BANF2: variants seen among roughly 807,000 people sequenced by gnomAD.
BANF2 encodes barrier-to-autointegration factor-like protein.
BANF2 carries 4 observed loss-of-function variants against 8.0 expected under a neutral mutation model. The ratio of observed to expected loss-of-function variants is 0.50; its 90% CI spans 0.25 to 1.14. The LOEUF (loss-of-function observed/expected upper bound fraction) is 1.14. Ranked by LOEUF, BANF2 falls within the 50% of genes most tolerant of loss-of-function variation. The pLI is 0.16. For missense variants in BANF2, 96 were observed against 107.5 expected (o/e 0.89, Z 0.47); for synonymous variants, 50 against 40.6 (o/e 1.23, Z -0.88).
upstream of BANF2, among the ~76,000 whole-genome samples, chr20:17,698,772 C>T (rs752834498): frequency 6.6e-6 from 1 of 152,200 alleles, no homozygotes; most frequent in Non-Finnish European, 1.5e-5. Flanking sequence ...TGTGCTTCCC[C>T]AAAACGTGGC....
chr20:17,698,600 C>A (rs1278378556), upstream of BANF2, among the ~76,000 whole-genome samples: 1 of 152,222 alleles, frequency 6.6e-6, no homozygotes, highest in African/African-American at 2.4e-5. Context: ...TGAGGACATT[C>A]TGCAACTTGC....
At chr20:17,709,852 C>T (rs1350163007) in intron 1 of BANF2, among the ~76,000 whole-genome samples, 1 of 152,160 alleles carries the variant, frequency 6.6e-6, no homozygotes, top group Non-Finnish European at 1.5e-5. Context: ...AGCACGGTGC[C>T]TTGGTAAGCC....
intron 1 of BANF2, among the ~76,000 whole-genome samples, chr20:17,704,130 G>A (rs2039051017): frequency 6.6e-6 from 1 of 152,224 alleles, no homozygotes; most frequent in Non-Finnish European, 1.5e-5. Context: ...TAAGCCATAG[G>A]GCGAGAGCCC....
rs1491179991 is a variant in BANF2 at position 17,708,046 on chromosome 20, C to CAAAAAAA, written c.-167+8006_-167+8012dup. On this transcript the variant is annotated intron_variant, in intron 1 of 3. Coordinates refer to ENST00000246090, the MANE Select transcript of BANF2 (RefSeq NM_178477.5). ...GTGAAACCCTGTCTCTACTAAAAATCAAAAAAAAAAAAAAAAAAAAACCAA... is the reference window on the plus strand; with the variant it reads ...GTGAAACCCTGTCTCTACTAAAAATCAAAAAAAAAAAAAAAAAAAAAAAAAAAACCAA... 8.1e-5 allele frequency among the ~76,000 whole-genome samples: 9 copies of CAAAAAAA among 111,774 alleles called. 1 individual carries two copies. The highest frequency in any genetic ancestry group is 9.2e-5 in the Admixed American group (1 of 10,844). The allele number at this position is 111,774 out of a possible 152,430, so 73.3% of individuals were successfully genotyped here.
chr20:17,729,194 G>T (rs1446858709), intron 3 of BANF2, among the ~76,000 whole-genome samples: 2 of 152,144 alleles, frequency 1.3e-5, no homozygotes, highest in African/African-American at 2.4e-5. Flanking sequence ...GCTGTGCCTG[G>T]CTCTAGCTCT....
upstream of BANF2, chr20:17,699,818 G>A (rs141359066): frequency 1.5e-3 from 263 of 171,654 alleles, 4 homozygotes; most frequent in African/African-American, 6.0e-3. Context: ...GATTTCTTCT[G>A]GAGAGGCCTG....
upstream of BANF2, among the ~76,000 whole-genome samples, chr20:17,699,573 C>A (rs1174586827): frequency 6.6e-6 from 1 of 152,202 alleles, no homozygotes; most frequent in Non-Finnish European, 1.5e-5. Context: ...AAGTCCATCA[C>A]AGAAGATGTG....
At chr20:17,693,715 G>A in intron 1 of BANF2, 1 of 1,551,568 alleles carries the variant, frequency 6.4e-7, no homozygotes. Context: ...AGGTAAGGCA[G>A]ATTGGTCTGA....
intron 3 of BANF2, among the ~76,000 whole-genome samples, chr20:17,728,584 G>A (rs1191744846): frequency 6.6e-6 from 1 of 152,110 alleles, no homozygotes; most frequent in Non-Finnish European, 1.5e-5. Flanking sequence ...GGTGCTGGGA[G>A]GGGACTGTTC....
chr20:17,704,940 T>G (rs1001623578), intron 1 of BANF2, among the ~76,000 whole-genome samples: 2 of 152,214 alleles, frequency 1.3e-5, no homozygotes, highest in African/African-American at 4.8e-5. Context: ...GCACCACTTC[T>G]TGCCTAATCT....
chr20:17,731,482 C>G (rs6044971), intron 3 of BANF2: 46,665 of 151,918 alleles, frequency 0.31, 7,400 homozygotes, highest in East Asian at 0.47. Flanking sequence ...GACAGCTTAT[C>G]TCTGCTTGAC....
At chr20:17,729,266 C>T (rs1212661077) in intron 3 of BANF2, among the ~76,000 whole-genome samples, 2 of 152,172 alleles carry the variant, frequency 1.3e-5, no homozygotes, top group Non-Finnish European at 1.5e-5. Context: ...AGACTATCCT[C>T]GAACCACCCT....
At chr20:17,702,840 A>G (rs2037429059) in intron 1 of BANF2, among the ~76,000 whole-genome samples, 2 of 152,170 alleles carry the variant, frequency 1.3e-5, no homozygotes, top group Non-Finnish European at 1.5e-5. Flanking sequence ...GTTGTCTCAT[A>G]TGATAGCCAC....
chr20:17,718,220 T>C (rs547991037), intron 1 of BANF2, among the ~76,000 whole-genome samples: 100 of 152,270 alleles, frequency 6.6e-4, no homozygotes, highest in African/African-American at 2.4e-3. Flanking sequence ...TTGTTTTTGT[T>C]TTGAGATGGA....
intron 1 of BANF2, 91 bp from the exon 2 acceptor site, chr20:17,722,625 C>T (rs565605766): frequency 4.0e-5 from 25 of 630,884 alleles, no homozygotes; most frequent in Non-Finnish European, 4.3e-5. Context: ...AAAGAGAGGT[C>T]GATGCCCTCG....
chr20:17,718,962 A>C (rs2037691956), intron 1 of BANF2, among the ~76,000 whole-genome samples: 1 of 152,160 alleles, frequency 6.6e-6, no homozygotes, highest in Non-Finnish European at 1.5e-5. Context: ...GCATCTGCTT[A>C]GTTCTGTTGT....
At chr20:17,712,831 C>G (rs1435375649) in intron 1 of BANF2, among the ~76,000 whole-genome samples, 1 of 152,068 alleles carries the variant, frequency 6.6e-6, no homozygotes, top group East Asian at 1.9e-4. Context: ...TTACAGTGCC[C>G]CTACGTTTAT....
intron 1 of BANF2, among the ~76,000 whole-genome samples, chr20:17,708,124 G>GA (rs1269202131): frequency 2.0e-5 from 3 of 151,610 alleles, no homozygotes; most frequent in Non-Finnish European, 4.4e-5. Flanking sequence ...CTACTCGAGA[G>GA]GCTGAGACAG....
chr20:17,724,058 T>C (rs1490251316), intron 2 of BANF2, among the ~76,000 whole-genome samples: 1 of 152,182 alleles, frequency 6.6e-6, no homozygotes, highest in East Asian at 1.9e-4. Flanking sequence ...TGGCCGGTTT[T>C]GCTGGGATGC....
Sources: gnomAD v4.1 joint callset for allele counts (sites outside exome capture counted in the v4.1 genomes callset) on GRCh38, gnomAD v4.1.1 for gene constraint, MANE v1.5 for transcripts, NCBI Gene and HGNC (gene_info 2026-07-23, HGNC 2026-07-21) for gene names.